Variants in ADGRB2 observed in about 807,000 individuals in gnomAD.
ADGRB2 encodes the protein adhesion G protein-coupled receptor B2, also known as brain-specific angiogenesis inhibitor 2.
Under a neutral mutation model 178.7 loss-of-function variants are expected in ADGRB2, and 47 were observed. The observed-to-expected ratio is 0.26, with a 90% CI of 0.21 to 0.34. ADGRB2 has a LOEUF of 0.34. Among genes scored for constraint, ADGRB2 ranks in the 10% least tolerant of loss-of-function variants. ADGRB2 has a pLI of 1.00. For synonymous variants in ADGRB2, 870 were observed against 912.4 expected (o/e 0.95, Z 0.84); for missense variants, 1,584 against 2,180.8 (o/e 0.73, Z 5.45).
In ADGRB2 at chr1:31,728,753, C is replaced by T; in HGVS notation, c.4381-120G>A. 7.9e-7 allele frequency: 1 copy of T among 1,258,284 alleles called. No homozygotes were observed. The highest frequency in any genetic ancestry group is 1.1e-6 in the Non-Finnish European group (1 of 875,466). The allele number at this position is 1,258,284 out of a possible 1,614,324, so 77.9% of individuals were successfully genotyped here. A position where few individuals can be genotyped will look rare whatever the true frequency, so the allele number is the denominator to read the frequency against. ...TGCCCGCTGCACCTTCCCCCCAACC[C>T]AGGCCCAGAAGTTGCGGACCTTCAT... is the stretch of plus-strand genomic sequence containing the variant. On this transcript the variant is annotated intron_variant, in intron 29 of 32. Coordinates refer to ENST00000373658, the MANE Select transcript of ADGRB2 (RefSeq NM_001364857.2). The surrounding 1 kb of genome is among the most constrained non-coding windows in gnomAD (Gnocchi z 6.7).
chr1:31,733,175 G>A lies in ADGRB2; in HGVS notation c.3453-32C>T. The A allele has an allele frequency of 6.4e-7, 1 of 1,553,532 alleles. No homozygotes were observed. The highest frequency in any genetic ancestry group is 8.7e-7 in the Non-Finnish European group (1 of 1,149,424). Reference sequence around the variant, plus strand: ...GGACAGTGGCAGAGCCCATCAGAGTGACACTCCGGGGGACAGGATGGCTTG... The same window carrying A: ...GGACAGTGGCAGAGCCCATCAGAGTAACACTCCGGGGGACAGGATGGCTTG... On this transcript the variant is annotated intron_variant, in intron 25 of 32. Transcript: ENST00000373658. The surrounding 1 kb of genome is among the most constrained non-coding windows in gnomAD (Gnocchi z 4.3).
At chr1:31,736,775 G>T (rs1337707591) in intron 20 of ADGRB2, 52 bp from the exon 21 acceptor site, 2 of 1,575,576 alleles carry the variant, frequency 1.3e-6, no homozygotes, top group Non-Finnish European at 1.7e-6. Flanking sequence ...GCCAGGGCAG[G>T]AGGCGCCGGG....
At position 31,741,976 on chromosome 1, in the gene ADGRB2, G is replaced by A. The variant is rs770525474; in HGVS notation, c.1418-9C>T. ...CCACTTGCTATCAGTGGCTGTGGGA[G>A]AGGTGAGGCATATGAGTGGGCCCAG... is the stretch of plus-strand genomic sequence containing the variant. On this transcript the variant is annotated splice_polypyrimidine_tract_variant and intron_variant, in intron 8 of 32. Coordinates refer to ENST00000373658, the MANE Select transcript of ADGRB2 (RefSeq NM_001364857.2). The surrounding 1 kb of genome is among the most constrained non-coding windows in gnomAD (Gnocchi z 6.5). 6.3e-7 allele frequency: 1 copy of A among 1,586,416 alleles called. No individual in the cohort carries two copies. The highest frequency in any genetic ancestry group is 8.6e-7 in the Non-Finnish European group (1 of 1,161,708).
rs1344166909 is a variant in ADGRB2 at position 31,735,745 on chromosome 1, G to A, written c.3268-80C>T. ...GCAGGGAAATCCCCATGTGGGAGCT[G>A]GAGCGCAGGGAGGAGGTAGAGGGAG... On this transcript the variant is annotated intron_variant, in intron 23 of 32. Transcript: ENST00000373658. The surrounding 1 kb of genome is among the most constrained non-coding windows in gnomAD (Gnocchi z 6.0). The A allele has an allele frequency of 6.3e-6, 10 of 1,577,102 alleles. No individual in the cohort carries two copies. Among genetic ancestry groups the A allele is most frequent in the Admixed American group, 1.7e-5 (1 of 57,696 alleles).
rs1646723783 is a variant in ADGRB2, at chr1:31,754,298, C to T, written c.838+1701G>A. Among the ~76,000 whole-genome samples, 1 of 152,262 alleles carries T rather than the reference C, an allele frequency of 6.6e-6. No individual in the cohort carries two copies. The highest frequency in any genetic ancestry group is 2.1e-4 in the South Asian group (1 of 4,838). ...CATGGCAGCCCGCCCAGATGGTGCC[C>T]GCCCATGAGGGCAGAGCCTTGCTCC... On this transcript the variant is annotated intron_variant, in intron 4 of 32. Coordinates refer to ENST00000373658, the MANE Select transcript of ADGRB2 (RefSeq NM_001364857.2). The surrounding 1 kb of genome is among the most constrained non-coding windows in gnomAD (Gnocchi z 5.7).
chr1:31,757,072 C>T (rs970564059), intron 3 of ADGRB2, 129 bp downstream of exon 3: 57 of 1,495,656 alleles, frequency 3.8e-5, no homozygotes, highest in East Asian at 4.5e-5. Flanking sequence ...AAAGGACTCG[C>T]GAGAGTGCCT....
intron 21 of ADGRB2, 72 bp from the exon 22 acceptor site, chr1:31,736,462 T>A: frequency 6.2e-7 from 1 of 1,605,142 alleles, no homozygotes; most frequent in Non-Finnish European, 8.5e-7. Context: ...CAGACTCCCA[T>A]CCCAGCTGAC....
intron 4 of ADGRB2, among the ~76,000 whole-genome samples, chr1:31,751,459 A>T (rs1321759314): frequency 1.3e-5 from 2 of 152,194 alleles, no homozygotes; most frequent in Admixed American, 1.3e-4. Context: ...GATAAATTAC[A>T]TGGTCACTTT....
chr1:31,735,132 C>CCA lies in ADGRB2; in HGVS notation c.3452+50_3452+51insTG. On this transcript the variant is annotated intron_variant, in intron 25 of 32. Transcript: ENST00000373658. The surrounding 1 kb of genome is among the most constrained non-coding windows in gnomAD (Gnocchi z 6.0). The stretch of plus-strand genomic sequence containing the variant: ...CCCCCACCATGGGCACTGCCCCCCC[C>CCA]AATTCCTTTGCCCCACCCACCCCCA... The CCA allele has an allele frequency of 1.7e-6, 2 of 1,204,606 alleles. No homozygotes were observed. Among genetic ancestry groups the CCA allele is most frequent in the Non-Finnish European group, 2.2e-6 (2 of 893,750 alleles). 74.6% of individuals were successfully genotyped at this position (1,204,606 alleles called of 1,614,324 possible). A position where few individuals can be genotyped will look rare whatever the true frequency, so the allele number is the denominator to read the frequency against.
At chr1:31,736,222 A>T in intron 22 of ADGRB2, 99 bp downstream of exon 22, 1 of 1,414,206 alleles carries the variant, frequency 7.1e-7, no homozygotes, top group Non-Finnish European at 9.8e-7. Context: ...TTGCCCAAAG[A>T]CCCAAAACAG....
In ADGRB2 at chr1:31,754,228, C is replaced by T. The variant is rs1008415251; in HGVS notation, c.838+1771G>A. The stretch of plus-strand genomic sequence containing the variant: ...CCAGCTACCAACCAACTCCTGCTTC[C>T]GGCTTCAACCAAGCCCAGCTGGCTG... On this transcript the variant is annotated intron_variant, in intron 4 of 32. Coordinates refer to ENST00000373658, the MANE Select transcript of ADGRB2 (RefSeq NM_001364857.2). This position sits in a 1 kb window ranked among gnomAD's most constrained non-coding sequence, Gnocchi z 5.7. Among the ~76,000 whole-genome samples, 14 of 152,378 alleles carry T rather than the reference C, an allele frequency of 9.2e-5. No homozygotes were observed. Among genetic ancestry groups the T allele is most frequent in the Admixed American group, 2.6e-4 (4 of 15,310 alleles).
At position 31,733,822 on chromosome 1, in the gene ADGRB2, G is replaced by A. The variant is rs1569785792; in HGVS notation, c.3453-679C>T. Among the ~76,000 whole-genome samples, 1 of 152,206 alleles carries A rather than the reference G, an allele frequency of 6.6e-6. No homozygotes were observed. Among genetic ancestry groups the A allele is most frequent in the East Asian group, 1.9e-4 (1 of 5,176 alleles). On this transcript the variant is annotated intron_variant, in intron 25 of 32. Coordinates refer to ENST00000373658, the MANE Select transcript of ADGRB2 (RefSeq NM_001364857.2). The surrounding 1 kb of genome is among the most constrained non-coding windows in gnomAD (Gnocchi z 4.3). ...TACACCTCCCTGGCCTCCCTGCCAG[G>A]GGAGGGCAGAAAAAAAGCAGATGGG...
rs201571338 is a variant in ADGRB2, at chr1:31,737,482, T to C, written c.2926A>G (p.Ile976Val). ...AGGATCAGGATGTTGGATGCCAAGATGGACAGGCAGAAGTTCAGCAAGATG... is the reference window on the plus strand; with the variant it reads ...AGGATCAGGATGTTGGATGCCAAGACGGACAGGCAGAAGTTCAGCAAGATG... ...SIILLNFCLS[I>V]LASNILILVG... The change falls in exon 20 of 33, where the codon ATC becomes GTC. Residue 976 changes from isoleucine (I) to valine (V), a missense_variant. This residue lies in a region of ADGRB2 where 865 missense variants were observed against 1,192.8 expected (regional missense o/e 0.73). Coordinates refer to ENST00000373658, the MANE Select transcript of ADGRB2 (RefSeq NM_001364857.2). 34 of 1,613,954 alleles carry C rather than the reference T, an allele frequency of 2.1e-5. No individual in the cohort carries two copies. The highest frequency in any genetic ancestry group is 4.0e-5 in the African/African-American group (3 of 74,878).
chr1:31,729,556 G>C (rs1272120188), intron 29 of ADGRB2, among the ~76,000 whole-genome samples: 1 of 152,174 alleles, frequency 6.6e-6, no homozygotes, highest in Non-Finnish European at 1.5e-5. Context: ...CTTTCTGGGG[G>C]CAACAGGGCA....
In ADGRB2 at chr1:31,758,950, A is replaced by G. The variant is rs986631300; in HGVS notation, c.-190-1439T>C. Among the ~76,000 whole-genome samples, 3 of 152,142 alleles carry G rather than the reference A, an allele frequency of 2.0e-5. No homozygotes were observed. Among genetic ancestry groups the G allele is most frequent in the African/African-American group, 4.8e-5 (2 of 41,426 alleles). ...ACATCCAATCCCCCTGCTGCCCCCA[A>G]TTATTTTTAAGCCGCAAAATTCAGG... On this transcript the variant is annotated intron_variant, in intron 1 of 32. Coordinates refer to ENST00000373658, the MANE Select transcript of ADGRB2 (RefSeq NM_001364857.2). This position sits in a 1 kb window ranked among gnomAD's most constrained non-coding sequence, Gnocchi z 4.2.
chr1:31,746,191 T>C (rs1467738310), intron 4 of ADGRB2, among the ~76,000 whole-genome samples: 1 of 152,152 alleles, frequency 6.6e-6, no homozygotes, highest in African/African-American at 2.4e-5. Flanking sequence ...GAGGACCCCC[T>C]GCCAGGAGGG....
chr1:31,727,508 G>T lies in ADGRB2; in HGVS notation c.4670C>A (p.Pro1557His), dbSNP rs1419339239. 2 of 1,597,460 alleles carry T rather than the reference G, an allele frequency of 1.3e-6. No individual in the cohort carries two copies. The highest frequency in any genetic ancestry group is 1.8e-5 in the Admixed American group (1 of 54,224). Residue 1557 changes from proline (P) to histidine (H), a missense_variant, in exon 33 of 33, where the codon CCC becomes CAC. Transcript: ENST00000373658. The surrounding 1 kb of genome is among the most constrained non-coding windows in gnomAD (Gnocchi z 4.4). ...FKSMTLGSLP[P>H]KPRERLTLHR... is the part of the protein sequence containing the mutation. ...CAGAGTCAGCCGTTCTCGGGGCTTG[G>T]GGGGCAGCGAGCCCAGTGTCATAGA... is the stretch of plus-strand genomic sequence containing the variant.
chr1:31,732,484 T>TCTGCCCAGGCC (rs748136191), intron 27 of ADGRB2, 33 bp downstream of exon 27: 1 of 1,610,356 alleles, frequency 6.2e-7, no homozygotes, highest in Non-Finnish European at 8.5e-7. Context: ...GTGCCCAGAA[T>TCTGCCCAGGCC]CTGCCCAGGC....
rs1646962727 is a variant in ADGRB2 at position 31,759,079 on chromosome 1, C to T, written c.-190-1568G>A. On this transcript the variant is annotated intron_variant, in intron 1 of 32. Coordinates refer to ENST00000373658, the MANE Select transcript of ADGRB2 (RefSeq NM_001364857.2). This position sits in a 1 kb window ranked among gnomAD's most constrained non-coding sequence, Gnocchi z 4.3. The stretch of plus-strand genomic sequence containing the variant: ...GAACCTCCCCTCACATACACACCAA[C>T]ACACATGGGTTTGAACACCCTTGTG... Among the ~76,000 whole-genome samples, 1 of 152,212 alleles carries T rather than the reference C, an allele frequency of 6.6e-6. No individual in the cohort carries two copies. Among genetic ancestry groups the T allele is most frequent in the African/African-American group, 2.4e-5 (1 of 41,440 alleles).
Sources: allele counts gnomAD v4.1 joint callset (sites outside exome capture counted in the v4.1 genomes callset), GRCh38; gene constraint gnomAD v4.1.1; regional missense constraint gnomAD v4.1.1; non-coding constraint Gnocchi (gnomAD v3.1); transcripts MANE v1.5; gene names NCBI Gene and HGNC (gene_info 2026-07-23, HGNC 2026-07-21).